Variants in HSBP1L1 observed in about 807,000 individuals in gnomAD.
HSBP1L1 encodes heat shock factor binding protein 1 like 1.
HSBP1L1 carries 8 observed loss-of-function variants against 9.7 expected under a neutral mutation model. The ratio of observed to expected loss-of-function variants is 0.82; its 90% CI spans 0.48 to 1.48. The LOEUF is 1.48. Ranked by LOEUF, HSBP1L1 falls within the 40% of genes most tolerant of loss-of-function variation. The probability of loss-of-function intolerance (pLI) is 0.00; values close to 1 mark genes in which losing one functional copy is unlikely to be tolerated. For missense variants in HSBP1L1, 106 were observed against 95.8 expected (o/e 1.11, Z -0.44); for synonymous variants, 39 against 34.4 (o/e 1.13, Z -0.46).
rs1568356471 is a variant in HSBP1L1 at position 79,969,295 on chromosome 18, G to GA, written c.213+1112_213+1113insA. 3.8e-3 allele frequency among the ~76,000 whole-genome samples: 145 copies of GA among 38,158 alleles called. 3 individuals are homozygous for GA. Among genetic ancestry groups the GA allele is most frequent in the Non-Finnish European group, 5.6e-3 (117 of 20,792 alleles). The allele number at this position is 38,158 out of a possible 152,430, so 25.0% of individuals were successfully genotyped here. A position where few individuals can be genotyped will look rare whatever the true frequency, so the allele number is the denominator to read the frequency against. On this transcript the variant is annotated intron_variant, in intron 3 of 3. Transcript: ENST00000451882. ...GGGAGGGAGGGAGGGAGGGAGGGAG[G>GA]GAGAGAGAGAGAGAAAGGAAAGAAA...
chr18:79,968,617 C>T (rs1407314661), intron 3 of HSBP1L1, among the ~76,000 whole-genome samples: 2 of 151,962 alleles, frequency 1.3e-5, no homozygotes, highest in Admixed American at 1.3e-4. Flanking sequence ...AGCCACCACG[C>T]CCGGCCACAC....
Position 79,970,518 on chromosome 18 carries a change from G to C in HSBP1L1, c.*67G>C. The C allele has an allele frequency of 1.4e-6, 1 of 717,778 alleles. No individual in the cohort carries two copies. Among genetic ancestry groups the C allele is most frequent in the South Asian group, 1.5e-5 (1 of 67,570 alleles). 44.5% of individuals were successfully genotyped at this position (717,778 alleles called of 1,614,324 possible). On this transcript the variant is annotated 3_prime_UTR_variant, in exon 4 of 4. Coordinates refer to ENST00000451882, the MANE Select transcript of HSBP1L1 (RefSeq NM_001136180.2). ...TCATTAAGGTTACATCGGTCCTGAG[G>C]GTGGGGCCCTCATCCAACAGGATTC...
rs201355227 is a variant in HSBP1L1, at chr18:79,969,400, A to AAAAAC, written c.214-1040_214-1039insAAAAC. ...GAAAGAAAGAAAGAAAGAAAAAAAA[A>AAAAAC]CGATGCAGAATAGCGCCCACGTTGA... On this transcript the variant is annotated intron_variant, in intron 3 of 3. Transcript: ENST00000451882. Among the ~76,000 whole-genome samples, 640 of 147,898 alleles carry AAAAAC rather than the reference A, an allele frequency of 4.3e-3. 35 individuals carry two copies. The highest frequency in any genetic ancestry group is 0.016 in the African/African-American group (604 of 38,312).
At chr18:79,970,282 A>G (rs9962217) in intron 3 of HSBP1L1, 158 bp from the exon 4 acceptor site, 12,115 of 627,156 alleles carry the variant, frequency 0.019, 882 homozygotes, top group African/African-American at 0.17. Context: ...CAGCAGGTAC[A>G]TAATGAGATA....
intron 3 of HSBP1L1, among the ~76,000 whole-genome samples, chr18:79,969,644 A>C (rs1328312160): frequency 6.6e-6 from 1 of 152,150 alleles, no homozygotes; most frequent in African/African-American, 2.4e-5. Context: ...TCCCCCAGAC[A>C]CCTAACCAAG....
rs1040657278 is a variant in HSBP1L1, at chr18:79,966,556, A to C, written c.52-56A>C. On this transcript the variant is annotated intron_variant, in intron 1 of 3. Transcript: ENST00000451882. ...AGACTTCATCTCAGAAAAAAAAAAA[A>C]ACTCATATGCCAACAGTAAATATTT... 4 of 1,343,520 alleles carry C rather than the reference A, an allele frequency of 3.0e-6. No homozygotes were observed. In the African/African-American group the frequency reaches 4.5e-5, roughly 15 times the overall value. The allele number at this position is 1,343,520 out of a possible 1,614,324, so 83.2% of individuals were successfully genotyped here.
rs1197912444 is a variant in HSBP1L1 at position 79,966,596 on chromosome 18, C to T, written c.52-16C>T. The T allele has an allele frequency of 8.5e-6, 13 of 1,532,524 alleles. No individual in the cohort carries two copies. Among genetic ancestry groups the T allele is most frequent in the Middle Eastern group, 3.4e-4 (2 of 5,942 alleles). 94.9% of individuals were successfully genotyped at this position (1,532,524 alleles called of 1,614,324 possible). A position where few individuals can be genotyped will look rare whatever the true frequency, so the allele number is the denominator to read the frequency against. ...AGTAAATATTTATTCAATTGTCTTA[C>T]GGTTTATTTTTTCAGGCAGAAAATC... On this transcript the variant is annotated splice_polypyrimidine_tract_variant and intron_variant, in intron 1 of 3. Transcript: ENST00000451882.
intron 1 of HSBP1L1, 39 bp downstream of exon 1, chr18:79,964,825 G>T: frequency 1.1e-6 from 1 of 944,236 alleles, no homozygotes; most frequent in Non-Finnish European, 1.3e-6. Context: ...TCTGGATGGG[G>T]GCGCCCCTGC....
At chr18:79,968,921 A>T (rs1167783803) in intron 3 of HSBP1L1, among the ~76,000 whole-genome samples, 3 of 150,484 alleles carry the variant, frequency 2.0e-5, no homozygotes, top group Non-Finnish European at 4.4e-5. Flanking sequence ...GCGGTGGCTC[A>T]GCCTGTAATC....
intron 1 of HSBP1L1, among the ~76,000 whole-genome samples, chr18:79,966,106 T>C (rs532980817): frequency 2.4e-4 from 36 of 152,250 alleles, no homozygotes; most frequent in Non-Finnish European, 4.7e-4. Context: ...TAATTTTTTG[T>C]ATTTTTAGTA....
intron 3 of HSBP1L1, among the ~76,000 whole-genome samples, chr18:79,968,493 A>G (rs1353566660): frequency 6.6e-6 from 1 of 151,836 alleles, no homozygotes; most frequent in Admixed American, 6.6e-5. Context: ...CACCCAGCTA[A>G]TTTTTGTATT....
In HSBP1L1 at chr18:79,964,750, C is replaced by T; in HGVS notation, c.15C>T (p.Gly5=). ...CAGCGGTCCACATGGACGTGCGGGG[C>T]CCTGAAGCCCCCGGCGGGCGCGCGC... The part of the protein sequence containing the change: MDVR[G]PEAPGGRALR... Residue 5 remains glycine (G), a synonymous_variant, in exon 1 of 4, where the codon GGC becomes GGT. Coordinates refer to ENST00000451882, the MANE Select transcript of HSBP1L1 (RefSeq NM_001136180.2). 1.4e-6 allele frequency: 2 copies of T among 1,417,058 alleles called. No homozygotes were observed. Among genetic ancestry groups the T allele is most frequent in the Non-Finnish European group, 1.8e-6 (2 of 1,087,324 alleles). The allele number at this position is 1,417,058 out of a possible 1,614,324, so 87.8% of individuals were successfully genotyped here. A position where few individuals can be genotyped will look rare whatever the true frequency, so the allele number is the denominator to read the frequency against.
At chr18:79,965,958 G>C (rs2051254463) in intron 1 of HSBP1L1, among the ~76,000 whole-genome samples, 1 of 152,088 alleles carries the variant, frequency 6.6e-6, no homozygotes, top group Non-Finnish European at 1.5e-5. Context: ...TTGAGACGGA[G>C]TGTCACTCTG....
chr18:79,968,287 T>C (rs2051267839), intron 3 of HSBP1L1, 104 bp downstream of exon 3: 1 of 683,804 alleles, frequency 1.5e-6, no homozygotes. Flanking sequence ...TTGCTGCCTC[T>C]GTGCTGCATG....
chr18:79,969,165 G>T (rs2051272929), intron 3 of HSBP1L1, among the ~76,000 whole-genome samples: 1 of 145,648 alleles, frequency 6.9e-6, no homozygotes, highest in Non-Finnish European at 1.5e-5. Flanking sequence ...CTCCAGCCTG[G>T]GCGACAGAGC....
intron 1 of HSBP1L1, 74 bp downstream of exon 1, chr18:79,964,860 G>T (rs1030835400): frequency 2.5e-5 from 6 of 244,610 alleles, no homozygotes; most frequent in Admixed American, 2.1e-4. Flanking sequence ...TTGAGGTCCT[G>T]GGGGGGGAGC....
intron 1 of HSBP1L1, among the ~76,000 whole-genome samples, chr18:79,966,032 C>T (rs1208319169): frequency 6.6e-6 from 1 of 152,038 alleles, no homozygotes; most frequent in East Asian, 1.9e-4. Flanking sequence ...CCCGGGTTCA[C>T]GCCATTCTCC....
intron 3 of HSBP1L1, among the ~76,000 whole-genome samples, chr18:79,969,235 GGA>G (rs1213074385): frequency 8.9e-6 from 1 of 112,222 alleles, no homozygotes; most frequent in Admixed American, 1.0e-4. Flanking sequence ...AGGAGAGAGA[GGA>G]GAGAGAGGAG....
rs777981476 is a variant in HSBP1L1 at position 79,968,092 on chromosome 18, A to G, written c.122A>G (p.Glu41Gly). 7.1e-6 allele frequency: 11 copies of G among 1,546,248 alleles called. No individual in the cohort carries two copies. The highest frequency in any genetic ancestry group is 1.7e-4 in the Middle Eastern group (1 of 6,006). Residue 41 changes from glutamate (E) to glycine (G), a missense_variant, in exon 3 of 4, where the codon GAA (glutamate) becomes GGA (glycine). By Grantham distance (98) the Glu-to-Gly change is moderately conservative. Transcript: ENST00000451882. ...GCAGAGCGCCTTAACACTGTACTGG[A>G]AGAAATGGGAAATCGCATTGAGGAC... ...ALTATLNLRMEEMGNRIEDLQ... is the reference protein window; with the variant it reads ...ALTATLNLRMGEMGNRIEDLQ...
Sources: allele counts gnomAD v4.1 joint callset (sites outside exome capture counted in the v4.1 genomes callset), GRCh38; gene constraint gnomAD v4.1.1; transcripts MANE v1.5; gene names NCBI Gene and HGNC (gene_info 2026-07-23, HGNC 2026-07-21).